ATF7IP2: variants seen among roughly 807,000 people sequenced by gnomAD.
The protein encoded by ATF7IP2 is activating transcription factor 7 interacting protein 2, also known as activating transcription factor 7-interacting protein 2.
ATF7IP2 carries 42 observed loss-of-function variants against 64.2 expected under a neutral mutation model. The observed-to-expected ratio is 0.65, with a 90% confidence interval of 0.51 to 0.85. ATF7IP2 has a LOEUF of 0.85. Among genes scored for constraint, ATF7IP2 ranks in the 40% least tolerant of loss-of-function variants. The pLI is 0.00. For missense variants in ATF7IP2, 933 were observed against 784.2 expected (o/e 1.19, Z -2.27); for synonymous variants, 308 against 272.8 (o/e 1.13, Z -1.27).
chr16:10,400,468 T>G (rs12925855), intron 1 of ATF7IP2, among the ~76,000 whole-genome samples: 32,147 of 152,172 alleles, frequency 0.21, 4,418 homozygotes, highest in African/African-American at 0.39. Context: ...ATATCCTATT[T>G]CCCTTTTCTT....
intron 1 of ATF7IP2, chr16:10,387,636 A>G (rs927659794): frequency 4.6e-5 from 7 of 152,198 alleles, no homozygotes; most frequent in African/African-American, 1.2e-4. Context: ...GCTTCTGCAT[A>G]TATCATAGCT....
At chr16:10,404,575 A>C (rs1277497527) in intron 1 of ATF7IP2, among the ~76,000 whole-genome samples, 1 of 151,776 alleles carries the variant, frequency 6.6e-6, no homozygotes, top group Non-Finnish European at 1.5e-5. Context: ...ACAGAATCTC[A>C]CTGTGTTGCC....
chr16:10,467,334 T>C (rs2142049489), intron 9 of ATF7IP2, among the ~76,000 whole-genome samples: 1 of 152,266 alleles, frequency 6.6e-6, no homozygotes, highest in Admixed American at 6.5e-5. Flanking sequence ...TAGCAATAAT[T>C]TGAAGTACTG....
At chr16:10,466,025 C>T (rs1302557448) in intron 9 of ATF7IP2, among the ~76,000 whole-genome samples, 1 of 152,130 alleles carries the variant, frequency 6.6e-6, no homozygotes, top group East Asian at 1.9e-4. Flanking sequence ...ATCCAGCCTG[C>T]CTCATGCCTG....
At chr16:10,479,958 CTTTTTTTTT>C (rs201158427) in intron 12 of ATF7IP2, among the ~76,000 whole-genome samples, 2 of 80,586 alleles carry the variant, frequency 2.5e-5, no homozygotes, top group African/African-American at 4.4e-5. Flanking sequence ...ACTGGAAATA[CTTTTTTTTT>C]TTTTTTTTTT....
rs2050264353 is a variant in ATF7IP2, at chr16:10,482,259, A to AAT, written c.*12_*13dup. 6.5e-7 allele frequency: 1 copy of AAT among 1,536,814 alleles called. No individual in the cohort carries two copies. Among genetic ancestry groups the AAT allele is most frequent in the Non-Finnish European group, 8.8e-7 (1 of 1,134,574 alleles). On this transcript the variant is annotated 3_prime_UTR_variant, in exon 14 of 14. Transcript: ENST00000562102. ...TGAAAATCTTACGTAAAAGGTGTTT[A>AAT]ATAATGATATACTACTTTTTTTTTC... is the stretch of plus-strand genomic sequence containing the variant.
At chr16:10,440,143 A>G in intron 7 of ATF7IP2, among the ~76,000 whole-genome samples, 1 of 152,192 alleles carries the variant, frequency 6.6e-6, no homozygotes, top group South Asian at 2.1e-4. Flanking sequence ...ATGGGCAACA[A>G]GAGCGAAACT....
At chr16:10,461,431 C>T (rs2049372437) in intron 9 of ATF7IP2, among the ~76,000 whole-genome samples, 2 of 151,724 alleles carry the variant, frequency 1.3e-5, no homozygotes, top group South Asian at 4.2e-4. Flanking sequence ...TTTATAATGG[C>T]CAAAAACTGA....
intron 9 of ATF7IP2, among the ~76,000 whole-genome samples, chr16:10,470,965 C>T (rs1477834556): frequency 6.6e-6 from 1 of 151,768 alleles, no homozygotes; most frequent in African/African-American, 2.4e-5. Context: ...CAAGACTTAA[C>T]TATAAAGGTG....
At chr16:10,468,448 C>G (rs185332469) in intron 9 of ATF7IP2, among the ~76,000 whole-genome samples, 1 of 152,176 alleles carries the variant, frequency 6.6e-6, no homozygotes, top group Non-Finnish European at 1.5e-5. Context: ...AGATATTGTT[C>G]TACCAGGAGT....
chr16:10,450,716 G>A (rs1259776595), intron 8 of ATF7IP2, among the ~76,000 whole-genome samples: 2 of 151,982 alleles, frequency 1.3e-5, no homozygotes, highest in East Asian at 1.9e-4. Flanking sequence ...GTCTTTGCAT[G>A]TGAGATGGAT....
chr16:10,394,554 C>G (rs1036197223), intron 1 of ATF7IP2, among the ~76,000 whole-genome samples: 1 of 152,110 alleles, frequency 6.6e-6, no homozygotes, highest in Admixed American at 6.6e-5. Context: ...AACAGTCCAC[C>G]CAACAACAGC....
At chr16:10,434,458 A>G (rs1381250849) in intron 6 of ATF7IP2, among the ~76,000 whole-genome samples, 1 of 152,218 alleles carries the variant, frequency 6.6e-6, no homozygotes, top group Non-Finnish European at 1.5e-5. Flanking sequence ...AAACAGAAAC[A>G]CTACCATTTT....
At chr16:10,405,522 G>C (rs1253336407) in intron 1 of ATF7IP2, among the ~76,000 whole-genome samples, 2 of 152,188 alleles carry the variant, frequency 1.3e-5, no homozygotes, top group African/African-American at 2.4e-5. Flanking sequence ...TTCCACAGGG[G>C]CTTGGGCCGT....
rs545641808 is a variant in ATF7IP2, at chr16:10,450,191, G to A, written c.1195-7181G>A. On this transcript the variant is annotated intron_variant, in intron 8 of 13. Transcript: ENST00000562102. ...GCACTGTGGTCTGAGAGACTGTTAG[G>A]ATTCCCATTCTTGTGCATTTGCTAA... Among the ~76,000 whole-genome samples the A allele has an allele frequency of 2.0e-5, 3 of 151,136 alleles. No individual in the cohort carries two copies. The East Asian group carries it at 5.8e-4, about 29-fold the overall frequency.
In ATF7IP2 at chr16:10,464,152, A is replaced by C. The variant is rs1019327433; in HGVS notation, c.1352+6623A>C. 3.3e-5 allele frequency among the ~76,000 whole-genome samples: 5 copies of C among 152,228 alleles called. No homozygotes were observed. The East Asian group carries it at 9.6e-4, about 29-fold the overall frequency. On this transcript the variant is annotated intron_variant, in intron 9 of 13. Transcript: ENST00000562102. Reference sequence around the variant, plus strand: ...TTCTAATGTCTTCAAATAGATATTTAGATATTTTTTTCCCCAATTTTTCAA... The same window carrying C: ...TTCTAATGTCTTCAAATAGATATTTCGATATTTTTTTCCCCAATTTTTCAA...
At chr16:10,464,018 G>A (rs2142036074) in intron 9 of ATF7IP2, among the ~76,000 whole-genome samples, 1 of 152,260 alleles carries the variant, frequency 6.6e-6, no homozygotes, top group East Asian at 1.9e-4. Context: ...GTGTGGCTGG[G>A]TTGACAAATG....
Position 10,440,547 on chromosome 16 carries a change from T to C in ATF7IP2, c.1194+85T>C. The C allele has an allele frequency of 3.7e-6, 3 of 804,398 alleles. No individual in the cohort carries two copies. In the East Asian group the frequency reaches 9.0e-5, roughly 24 times the overall value. 49.8% of individuals were successfully genotyped at this position (804,398 alleles called of 1,614,324 possible). On this transcript the variant is annotated intron_variant, in intron 8 of 13. Transcript: ENST00000562102. ...AGAAGAAATGAATATATTTCCAGGC[T>C]AGGACAGAAGGTGTAAAGGTAAGTA...
chr16:10,395,048 G>A (rs768274375), intron 1 of ATF7IP2, among the ~76,000 whole-genome samples: 1 of 151,796 alleles, frequency 6.6e-6, no homozygotes, highest in Non-Finnish European at 1.5e-5. Context: ...TTTCTTAAAC[G>A]ATCAAGAAAA....
Sources: allele counts gnomAD v4.1 joint callset (sites outside exome capture counted in the v4.1 genomes callset), GRCh38; gene constraint gnomAD v4.1.1; transcripts MANE v1.5; gene names NCBI Gene and HGNC (gene_info 2026-07-23, HGNC 2026-07-21).